Variants in ANKRD12 observed in about 807,000 individuals in gnomAD.
The protein encoded by ANKRD12 is ankyrin repeat domain-containing protein 12.
ANKRD12 carries 85 observed loss-of-function variants against 183.4 expected under a neutral mutation model. That is an observed-to-expected ratio of 0.46 (90% CI 0.39 to 0.56). ANKRD12 has a LOEUF of 0.56. Among genes scored for constraint, ANKRD12 ranks in the 20% least tolerant of loss-of-function variants. ANKRD12 has a pLI of 0.00. For synonymous variants in ANKRD12, 914 were observed against 800.2 expected, an observed-to-expected ratio of 1.14 and a Z score of -2.40; for missense variants, 2,405 against 2,357.1, an observed-to-expected ratio of 1.02 and a Z score of -0.42.
chr18:9,248,878 A>T (rs529377470), intron 8 of ANKRD12, among the ~76,000 whole-genome samples: 90 of 152,334 alleles, frequency 5.9e-4, no homozygotes, highest in African/African-American at 2.1e-3. Flanking sequence ...ACCTCTTCAG[A>T]TTGCTGAGTT....
Position 9,256,898 on chromosome 18 carries a change from A to G in ANKRD12, c.3631A>G (p.Ser1211Gly), listed in dbSNP as rs747458611. Residue 1211 changes from serine (S) to glycine (G), a missense_variant, in exon 9 of 13, where the codon AGT becomes GGT. By Grantham distance (56) the Ser-to-Gly change is moderately conservative. This residue lies in a region of ANKRD12 where 1,983 missense variants were observed against 1,725.9 expected (regional missense o/e 1.15). Transcript: ENST00000262126. Reference sequence around the variant, plus strand: ...ATCTGTATCCATGATTTCTGTTGCTAGTTCAGAAGATTCCTGCCATACTAC... The same window carrying G: ...ATCTGTATCCATGATTTCTGTTGCTGGTTCAGAAGATTCCTGCCATACTAC... ...SRSVSMISVA[S>G]SEDSCHTTVT... 2 of 1,614,006 alleles carry G rather than the reference A, an allele frequency of 1.2e-6. No homozygotes were observed. The highest frequency in any genetic ancestry group is 2.7e-5 in the African/African-American group (2 of 75,048).
rs139718517 is a variant in ANKRD12, at chr18:9,141,956, A to G, written c.-52+4991A>G. On this transcript the variant is annotated intron_variant, in intron 1 of 12. Transcript: ENST00000262126. ...TTGTTTGTTTTTGTTTTGTTTCACT[A>G]TGTTGCTCAGACTGGTCTTGGTCTT... Among the ~76,000 whole-genome samples the G allele has an allele frequency of 8.1e-3, 1,234 of 152,180 alleles. 13 individuals are homozygous for G. Among genetic ancestry groups the G allele is most frequent in the African/African-American group, 0.029 (1,185 of 41,498 alleles).
At chr18:9,143,217 C>A (rs2078379502) in intron 1 of ANKRD12, among the ~76,000 whole-genome samples, 1 of 152,130 alleles carries the variant, frequency 6.6e-6, no homozygotes, top group South Asian at 2.1e-4. Flanking sequence ...GAAAACACTT[C>A]AAAAAGTTGT....
In ANKRD12 at chr18:9,255,781, A is replaced by G. The variant is rs1161405738; in HGVS notation, c.2514A>G (p.Arg838=). 34 of 1,577,648 alleles carry G rather than the reference A, an allele frequency of 2.2e-5. No homozygotes were observed. Among genetic ancestry groups the G allele is most frequent in the Non-Finnish European group, 2.9e-5 (34 of 1,170,780 alleles). ...IKEKDIEKME[R]KTFEKEKKIK... The stretch of plus-strand genomic sequence containing the variant: ...AAAAGGACATTGAGAAGATGGAAAG[A>G]AAAACCTTTGAAAAAGAAAAGAAGA... The change falls in exon 9 of 13, where the codon AGA becomes AGG. Residue 838 remains arginine, a synonymous_variant. Coordinates refer to ENST00000262126, the MANE Select transcript of ANKRD12 (RefSeq NM_015208.5).
Position 9,281,041 on chromosome 18 carries a change from A to G in ANKRD12, c.6104A>G (p.Tyr2035Cys). ...LKLQELDPAT[Y>C]KSISIYEIQE... ...CTCCAGGAACTTGATCCTGCCACCT[A>G]TAAATCTATCAGCATTTACGAAATC... Residue 2035 changes from tyrosine to cysteine, a missense_variant, in exon 13 of 13, where the codon TAT becomes TGT. Coordinates refer to ENST00000262126, the MANE Select transcript of ANKRD12 (RefSeq NM_015208.5). 1 of 1,614,172 alleles carries G rather than the reference A, an allele frequency of 6.2e-7. No homozygotes were observed. Among genetic ancestry groups the G allele is most frequent in the Non-Finnish European group, 8.5e-7 (1 of 1,180,014 alleles).
intron 10 of ANKRD12, among the ~76,000 whole-genome samples, chr18:9,272,028 A>G (rs1598771284): frequency 6.6e-6 from 1 of 152,114 alleles, no homozygotes; most frequent in Non-Finnish European, 1.5e-5. Context: ...ATCCCTGCCC[A>G]TTTCCTCAGA....
At chr18:9,143,818 C>T (rs2078403232) in intron 1 of ANKRD12, among the ~76,000 whole-genome samples, 1 of 151,148 alleles carries the variant, frequency 6.6e-6, no homozygotes, top group Admixed American at 6.6e-5. Flanking sequence ...CCACCGCCCT[C>T]TTTAGTGTGT....
rs1451038441 is a variant in ANKRD12, at chr18:9,257,901, C to G, written c.4634C>G (p.Thr1545Arg). ...LDTDNESTKDTENTFVLGDVQ... is the reference protein window; with the variant it reads ...LDTDNESTKDRENTFVLGDVQ... The stretch of plus-strand genomic sequence containing the variant: ...ACTGATAATGAATCTACAAAAGATA[C>G]AGAAAATACTTTTGTCCTAGGAGAT... The change falls in exon 9 of 13, where the codon ACA becomes AGA. Residue 1545 changes from threonine to arginine, a missense_variant. Physicochemically the swap from Thr to Arg is moderately conservative, Grantham distance 71. Around this residue, in one of 7 missense-constraint regions of ANKRD12, gnomAD observed 1,983 missense variants for 1,725.9 expected, o/e 1.15. Coordinates refer to ENST00000262126, the MANE Select transcript of ANKRD12 (RefSeq NM_015208.5). 1.9e-6 allele frequency: 3 copies of G among 1,613,540 alleles called. No individual in the cohort carries two copies. The highest frequency in any genetic ancestry group is 2.5e-6 in the Non-Finnish European group (3 of 1,179,776).
chr18:9,165,712 TA>T (rs1254619020), intron 1 of ANKRD12, among the ~76,000 whole-genome samples: 1 of 152,214 alleles, frequency 6.6e-6, no homozygotes, highest in African/African-American at 2.4e-5. Context: ...TATTTATTTT[TA>T]TTTTTTTATT....
chr18:9,271,525 A>G (rs2039604958), intron 10 of ANKRD12, among the ~76,000 whole-genome samples: 1 of 152,016 alleles, frequency 6.6e-6, no homozygotes, highest in African/African-American at 2.4e-5. Flanking sequence ...CGTCTCAAAA[A>G]AAAAAATTTT....
intron 10 of ANKRD12, among the ~76,000 whole-genome samples, chr18:9,274,903 G>T (rs981510399): frequency 3.3e-5 from 5 of 152,056 alleles, no homozygotes; most frequent in African/African-American, 1.2e-4. Flanking sequence ...AAATATGTTG[G>T]CCAGGTATGT....
At chr18:9,238,282 C>T (rs2037461238) in intron 8 of ANKRD12, among the ~76,000 whole-genome samples, 1 of 152,156 alleles carries the variant, frequency 6.6e-6, no homozygotes, top group Non-Finnish European at 1.5e-5. Flanking sequence ...GGACCCTCTT[C>T]TCATGCTGCA....
At chr18:9,204,105 AGT>A (rs2035341676) in intron 3 of ANKRD12, among the ~76,000 whole-genome samples, 1 of 152,242 alleles carries the variant, frequency 6.6e-6, no homozygotes, top group Non-Finnish European at 1.5e-5. Flanking sequence ...TAGAACAAAA[AGT>A]GTAAGACAAG....
chr18:9,213,714 A>T (rs2035934975), intron 6 of ANKRD12, among the ~76,000 whole-genome samples: 1 of 151,618 alleles, frequency 6.6e-6, no homozygotes, highest in African/African-American at 2.4e-5. Flanking sequence ...GACAGTGTTT[A>T]TTTTCTTTGT....
intron 1 of ANKRD12, among the ~76,000 whole-genome samples, chr18:9,178,106 T>A (rs550980269): frequency 6.6e-6 from 1 of 152,382 alleles, no homozygotes; most frequent in East Asian, 1.9e-4. Context: ...ACAGGGTAAT[T>A]TAAAGAGCAG....
intron 1 of ANKRD12, among the ~76,000 whole-genome samples, chr18:9,158,198 C>T (rs906684701): frequency 2.0e-5 from 3 of 152,030 alleles, no homozygotes; most frequent in Non-Finnish European, 2.9e-5. Context: ...TCCTGTGTAC[C>T]TTTATACCAG....
At chr18:9,188,691 C>T (rs2034262103) in intron 2 of ANKRD12, among the ~76,000 whole-genome samples, 1 of 152,210 alleles carries the variant, frequency 6.6e-6, no homozygotes, top group African/African-American at 2.4e-5. Flanking sequence ...ACTCACTTGT[C>T]TCTATGTCAC....
rs1363923017 is a variant in ANKRD12, at chr18:9,257,004, A to G, written c.3737A>G (p.Gln1246Arg). 1 of 1,613,982 alleles carries G rather than the reference A, an allele frequency of 6.2e-7. No homozygotes were observed. The highest frequency in any genetic ancestry group is 8.5e-7 in the Non-Finnish European group (1 of 1,179,994). ...TCAGAATCCCAAATGTCCTTTTCCC[A>G]GTCACCTTTTTTGTCAATTGCCAAA... ...ESSESQMSFS[Q>R]SPFLSIAKSP... The change falls in exon 9 of 13, where the codon CAG becomes CGG. Residue 1246 changes from glutamine (Q) to arginine (R), a missense_variant. Gln to Arg is a conservative substitution (Grantham distance 43). Around this residue, in one of 7 missense-constraint regions of ANKRD12, gnomAD observed 1,983 missense variants for 1,725.9 expected, o/e 1.15. Coordinates refer to ENST00000262126, the MANE Select transcript of ANKRD12 (RefSeq NM_015208.5).
In ANKRD12 at chr18:9,258,023, C is replaced by A. The variant is rs1249141701; in HGVS notation, c.4756C>A (p.Pro1586Thr). Reference sequence around the variant, plus strand: ...GAAAGCTTATACTTTACCTGTGTTACCATCAGAAAAGGACTTTAATGGAAG... The same window carrying A: ...GAAAGCTTATACTTTACCTGTGTTAACATCAGAAAAGGACTTTAATGGAAG... ...FEKAYTLPVLPSEKDFNGSDA... is the reference protein window; with the variant it reads ...FEKAYTLPVLTSEKDFNGSDA... Residue 1586 changes from proline to threonine, a missense_variant, in exon 9 of 13, where the codon CCA (proline) becomes ACA (threonine). Around this residue, in one of 7 missense-constraint regions of ANKRD12, gnomAD observed 1,983 missense variants for 1,725.9 expected, o/e 1.15. Coordinates refer to ENST00000262126, the MANE Select transcript of ANKRD12 (RefSeq NM_015208.5). The A allele has an allele frequency of 6.2e-7, 1 of 1,613,690 alleles. No homozygotes were observed. Among genetic ancestry groups the A allele is most frequent in the South Asian group, 1.1e-5 (1 of 91,060 alleles).
Sources: allele counts gnomAD v4.1 joint callset (sites outside exome capture counted in the v4.1 genomes callset), GRCh38; gene constraint gnomAD v4.1.1; regional missense constraint gnomAD v4.1.1; transcripts MANE v1.5; gene names NCBI Gene and HGNC (gene_info 2026-07-23, HGNC 2026-07-21).